IFT52: variants seen among roughly 807,000 people sequenced by gnomAD.
IFT52 encodes the protein intraflagellar transport 52, also known as intraflagellar transport protein 52 homolog.
Under a neutral mutation model 54.4 loss-of-function variants are expected in IFT52, and 44 were observed. That is an observed-to-expected ratio of 0.81 (90% CI 0.63 to 1.04). The LOEUF (loss-of-function observed/expected upper bound fraction) is 1.04, where lower values mean the gene tolerates loss of function less well. IFT52 is among the 50% of genes least tolerant of loss of function. The pLI, the probability that IFT52 is intolerant of heterozygous loss-of-function variation, is 0.00. For missense variants in IFT52, 452 were observed against 523.6 expected, an observed-to-expected ratio of 0.86 and a Z score of 1.33; for synonymous variants, 181 against 185.3, an observed-to-expected ratio of 0.98 and a Z score of 0.19.
At chr20:43,594,315 A>C (rs1159781648) in intron 1 of IFT52, among the ~76,000 whole-genome samples, 1 of 152,198 alleles carries the variant, frequency 6.6e-6, no homozygotes, top group Non-Finnish European at 1.5e-5. Context: ...CTCAAAAAAA[A>C]GAAAAATAGA....
intron 12 of IFT52, among the ~76,000 whole-genome samples, chr20:43,637,996 T>C (rs1985659248): frequency 1.3e-5 from 2 of 152,050 alleles, no homozygotes; most frequent in African/African-American, 4.8e-5. Context: ...CCTTGACATG[T>C]GGATGAAGAA....
chr20:43,635,856 A>T lies in IFT52; in HGVS notation c.924-70A>T, dbSNP rs568568681. On this transcript the variant is annotated intron_variant, in intron 10 of 13. Coordinates refer to ENST00000373030, the MANE Select transcript of IFT52 (RefSeq NM_016004.5). ...CACTGTATTTCATGGAGAACAACAC[A>T]GTGTGGTCAGTTAGACGTGCTGAGC... 1.3e-5 allele frequency: 18 copies of T among 1,351,070 alleles called. No homozygotes were observed. In the African/African-American group the frequency reaches 2.6e-4, roughly 19 times the overall value. 83.7% of individuals were successfully genotyped at this position (1,351,070 alleles called of 1,614,324 possible).
intron 11 of IFT52, 44 bp downstream of exon 11, chr20:43,636,057 T>C (rs1238714180): frequency 3.8e-6 from 6 of 1,576,524 alleles, no homozygotes; most frequent in East Asian, 2.2e-5. Context: ...AGCCCCACTG[T>C]TGCCCTTATC....
At position 43,619,014 on chromosome 20, in the gene IFT52, C is replaced by G. The variant is rs769869015; in HGVS notation, c.687C>G (p.Asn229Lys). Reference protein sequence around the residue: ...FSDQYLDKEENSKIMDVVFQW... With the variant: ...FSDQYLDKEEKSKIMDVVFQW... ...ATCAATATTTGGACAAAGAAGAAAA[C>G]AGCAAAATCATGGTAAGCTTTTTCT... The change falls in exon 8 of 14, where the codon AAC becomes AAG. Residue 229 changes from asparagine (N) to lysine (K), a missense_variant. Asn to Lys is a moderately conservative substitution (Grantham distance 94). Coordinates refer to ENST00000373030, the MANE Select transcript of IFT52 (RefSeq NM_016004.5). 6.2e-7 allele frequency: 1 copy of G among 1,608,564 alleles called. No homozygotes were observed. Among genetic ancestry groups the G allele is most frequent in the South Asian group, 1.1e-5 (1 of 90,796 alleles).
At chr20:43,622,772 G>T (rs56163203) in intron 9 of IFT52, among the ~76,000 whole-genome samples, 2 of 123,936 alleles carry the variant, frequency 1.6e-5, no homozygotes, top group East Asian at 2.3e-4. Flanking sequence ...TACAAATTGT[G>T]TGTAAATATA....
intron 12 of IFT52, among the ~76,000 whole-genome samples, chr20:43,637,787 A>G (rs916253249): frequency 6.6e-6 from 1 of 152,196 alleles, no homozygotes; most frequent in Non-Finnish European, 1.5e-5. Flanking sequence ...GCAGAAAGCC[A>G]AAGGTCTCAG....
intron 7 of IFT52, among the ~76,000 whole-genome samples, chr20:43,614,772 C>T (rs980914235): frequency 2.0e-5 from 3 of 151,570 alleles, no homozygotes; most frequent in Non-Finnish European, 2.9e-5. Flanking sequence ...ACAGCTAGTC[C>T]CAGGCAGTGA....
intron 6 of IFT52, among the ~76,000 whole-genome samples, chr20:43,607,527 A>C (rs1983036741): frequency 6.9e-6 from 1 of 144,748 alleles, no homozygotes; most frequent in Non-Finnish European, 1.5e-5. Context: ...CTCACATCCC[A>C]GACGGGGCGG....
At chr20:43,595,912 T>C (rs1981920930) in intron 2 of IFT52, among the ~76,000 whole-genome samples, 1 of 152,142 alleles carries the variant, frequency 6.6e-6, no homozygotes. Context: ...AAAAAATGTC[T>C]TTCGAAATCA....
intron 10 of IFT52, among the ~76,000 whole-genome samples, chr20:43,626,490 C>G (rs1301358501): frequency 6.6e-6 from 1 of 152,062 alleles, no homozygotes; most frequent in Admixed American, 6.6e-5. Context: ...AGGTGATCCA[C>G]CTACCTCGGC....
At chr20:43,605,321 T>C in intron 6 of IFT52, 7 of 880,438 alleles carry the variant, frequency 8.0e-6, no homozygotes, top group Non-Finnish European at 1.0e-5. Context: ...CCGAGGTGGG[T>C]GGCCCACCTG....
At chr20:43,597,041 A>G (rs1169434241) in intron 3 of IFT52, among the ~76,000 whole-genome samples, 1 of 149,510 alleles carries the variant, frequency 6.7e-6, no homozygotes, top group Non-Finnish European at 1.5e-5. Context: ...GAGCCCAGCC[A>G]GTAGCCACAT....
chr20:43,605,603 G>A (rs1982803924), intron 6 of IFT52, among the ~76,000 whole-genome samples: 1 of 151,932 alleles, frequency 6.6e-6, no homozygotes, highest in Admixed American at 6.6e-5. Flanking sequence ...CATGTATAAA[G>A]TTATAGGTGA....
At chr20:43,612,166 C>T in intron 6 of IFT52, among the ~76,000 whole-genome samples, 1 of 152,068 alleles carries the variant, frequency 6.6e-6, no homozygotes, top group Non-Finnish European at 1.5e-5. Flanking sequence ...GTGCATTGAC[C>T]TCCATATGAC....
At chr20:43,609,866 T>C (rs1983280396) in intron 6 of IFT52, among the ~76,000 whole-genome samples, 2 of 151,042 alleles carry the variant, frequency 1.3e-5, no homozygotes, top group Admixed American at 6.6e-5. Context: ...GGAGAATTGC[T>C]TGAACCCAGG....
At chr20:43,637,090 AT>A in intron 11 of IFT52, 54 bp from the exon 12 acceptor site, 1 of 1,221,192 alleles carries the variant, frequency 8.2e-7, no homozygotes, top group Admixed American at 1.8e-5. Flanking sequence ...GAGAGACTTT[AT>A]TTCCTTTACC....
intron 10 of IFT52, among the ~76,000 whole-genome samples, chr20:43,632,234 T>C (rs954386937): frequency 2.7e-5 from 4 of 147,992 alleles, no homozygotes; most frequent in Non-Finnish European, 4.5e-5. Flanking sequence ...CTATTTGTCT[T>C]CTTAATATTT....
At position 43,642,554 on chromosome 20, in the gene IFT52, A is replaced by G. The variant is rs1472131091; in HGVS notation, c.1196A>G (p.Asp399Gly). The G allele has an allele frequency of 6.2e-7, 1 of 1,614,184 alleles. No homozygotes were observed. The highest frequency in any genetic ancestry group is 8.5e-7 in the Non-Finnish European group (1 of 1,180,040). The change falls in exon 13 of 14, where the codon GAC becomes GGC. Residue 399 changes from aspartate (D) to glycine (G), a missense_variant. Physicochemically the swap from Asp to Gly is moderately conservative, Grantham distance 94 (BLOSUM62 -1). Transcript: ENST00000373030. ...ILGVTSKLPKDQQDAKHILEH... is the reference protein window; with the variant it reads ...ILGVTSKLPKGQQDAKHILEH... ...GGAGTAACCAGTAAACTACCAAAGG[A>G]CCAACAGGATGCCAAACATATCCTT...
intron 2 of IFT52, 106 bp from the exon 3 acceptor site, chr20:43,596,329 T>A: frequency 1.5e-6 from 1 of 675,076 alleles, no homozygotes; most frequent in Non-Finnish European, 2.5e-6. Flanking sequence ...TCCCTTCATC[T>A]CTGAGCCTCT....
Sources: allele counts gnomAD v4.1 joint callset (sites outside exome capture counted in the v4.1 genomes callset), GRCh38; gene constraint gnomAD v4.1.1; transcripts MANE v1.5; gene names NCBI Gene and HGNC (gene_info 2026-07-23, HGNC 2026-07-21).